Variants in SMIM24 observed in about 807,000 individuals in gnomAD.
SMIM24 encodes MAP17-related dimer.
In SMIM24, 6 loss-of-function variants were observed where a neutral mutation model predicts 10.8. That is an observed-to-expected ratio of 0.55 (90% CI 0.30 to 1.09). The LOEUF (loss-of-function observed/expected upper bound fraction) is 1.09. Ranked by LOEUF, SMIM24 falls within the 50% of genes least tolerant of loss-of-function variation. The probability of loss-of-function intolerance (pLI) is 0.06; values close to 1 mark genes in which losing one functional copy is unlikely to be tolerated. For missense variants in SMIM24, 151 were observed against 153.4 expected (o/e 0.98, Z 0.08); for synonymous variants, 71 against 62.4 (o/e 1.14, Z -0.65).
chr19:3,474,800 A>G lies in SMIM24; in HGVS notation c.*43T>C, dbSNP rs771361322. The G allele has an allele frequency of 1.3e-6, 2 of 1,539,708 alleles. No individual in the cohort carries two copies. Among genetic ancestry groups the G allele is most frequent in the African/African-American group, 2.8e-5 (2 of 72,216 alleles). ...GGGCACTGCTTTTAGGGGGCAGAAG[A>G]GGCATCTCTGGGGGACTGCCTGGAA... is the stretch of plus-strand genomic sequence containing the variant. On this transcript the variant is annotated 3_prime_UTR_variant, in exon 4 of 4. Transcript: ENST00000215531.
intron 1 of SMIM24, among the ~76,000 whole-genome samples, chr19:3,479,507 A>C (rs2082808121): frequency 7.1e-6 from 1 of 140,570 alleles, no homozygotes. Context: ...CTCAGAGGGG[A>C]GGTGCTTATA....
Position 3,475,850 on chromosome 19 carries a change from TGATA to T in SMIM24, c.240-858_240-855del, listed in dbSNP as rs924717564. On this transcript the variant is annotated intron_variant, in intron 3 of 3. Transcript: ENST00000215531. ...GATTGATGGATGGTGGATGGAAGGA[TGATA>T]GATGGATGGGTGGATGGATGAATGA... Among the ~76,000 whole-genome samples, 12 of 145,256 alleles carry T rather than the reference TGATA, an allele frequency of 8.3e-5. 1 individual carries two copies. The highest frequency in any genetic ancestry group is 4.8e-4 in the Admixed American group (7 of 14,496).
At chr19:3,477,280 A>G (rs1387839755) in intron 3 of SMIM24, among the ~76,000 whole-genome samples, 3 of 112,418 alleles carry the variant, frequency 2.7e-5, no homozygotes, top group Non-Finnish European at 3.6e-5. Context: ...GGATGGATGG[A>G]TGGATGGATG....
At chr19:3,479,392 T>G (rs1050108849) in intron 1 of SMIM24, among the ~76,000 whole-genome samples, 1 of 128,584 alleles carries the variant, frequency 7.8e-6, no homozygotes, top group Admixed American at 7.8e-5. Flanking sequence ...TGGGGAGGGC[T>G]TATAAAGAAG....
chr19:3,475,085 G>T, intron 3 of SMIM24, 89 bp from the exon 4 acceptor site: 2 of 1,386,128 alleles, frequency 1.4e-6, no homozygotes, highest in South Asian at 1.4e-5. Flanking sequence ...CATGTGATGA[G>T]TATTTTACAA....
chr19:3,475,009 A>G lies in SMIM24; in HGVS notation c.240-13T>C. ...TCTCTTGTCTTCACTGTAGGGATAC[A>G]AAGGCCCCAAACCATAATAAGAAAC... is the stretch of plus-strand genomic sequence containing the variant. On this transcript the variant is annotated splice_polypyrimidine_tract_variant and intron_variant, in intron 3 of 3. Transcript: ENST00000215531. 6.4e-7 allele frequency: 1 copy of G among 1,550,496 alleles called. No individual in the cohort carries two copies. The highest frequency in any genetic ancestry group is 8.7e-7 in the Non-Finnish European group (1 of 1,146,690).
intron 3 of SMIM24, among the ~76,000 whole-genome samples, chr19:3,477,747 G>A: frequency 7.4e-6 from 1 of 135,044 alleles, no homozygotes; most frequent in Non-Finnish European, 1.6e-5. Flanking sequence ...GTGAATGGGT[G>A]AGTGGGTGGA....
Position 3,478,834 on chromosome 19 carries a change from A to G in SMIM24, c.163T>C (p.Trp55Arg). Residue 55 changes from tryptophan (W) to arginine (R), a missense_variant, in exon 2 of 4, where the codon TGG (tryptophan) becomes CGG (arginine). Coordinates refer to ENST00000215531, the MANE Select transcript of SMIM24 (RefSeq NM_001136503.2). The stretch of plus-strand genomic sequence containing the variant: ...GGCACCCACCTGGCCTTGGAACACC[A>G]GAGGCGGTTGGCCAGCAAGACCAAA... ...VYLVLLANRL[W>R]CSKARAEDEE... The G allele has an allele frequency of 3.2e-6, 5 of 1,549,492 alleles. No homozygotes were observed. Among genetic ancestry groups the G allele is most frequent in the Non-Finnish European group, 3.5e-6 (4 of 1,146,530 alleles).
chr19:3,474,696 G>A lies in SMIM24; in HGVS notation c.*147C>T, dbSNP rs1225666383. The stretch of plus-strand genomic sequence containing the variant: ...AGAGAGCCCCCAATGAGGGAGGTGG[G>A]GTGGGTTCCAAGCCTTCTTCACTTG... On this transcript the variant is annotated 3_prime_UTR_variant, in exon 4 of 4. Coordinates refer to ENST00000215531, the MANE Select transcript of SMIM24 (RefSeq NM_001136503.2). 11 of 1,001,070 alleles carry A rather than the reference G, an allele frequency of 1.1e-5. No individual in the cohort carries two copies. Among genetic ancestry groups the A allele is most frequent in the Non-Finnish European group, 5.6e-6 (4 of 712,772 alleles). The allele number at this position is 1,001,070 out of a possible 1,614,324, so 62.0% of individuals were successfully genotyped here.
At chr19:3,475,553 T>A (rs1347310286) in intron 3 of SMIM24, among the ~76,000 whole-genome samples, 1 of 147,690 alleles carries the variant, frequency 6.8e-6, no homozygotes, top group African/African-American at 2.5e-5. Context: ...GGTGGGTGGA[T>A]AGATGGATGA....
chr19:3,477,756 GATGGGTGAGTGGGTGA>G (rs2082800100), intron 3 of SMIM24, among the ~76,000 whole-genome samples: 1 of 146,626 alleles, frequency 6.8e-6, no homozygotes, highest in Non-Finnish European at 1.5e-5. Context: ...TGAGTGGGTG[GATGGGTGAGTGGGTGA>G]ATGGGTGAGT....
In SMIM24 at chr19:3,474,998, T is replaced by C. The variant is rs2082787003; in HGVS notation, c.240-2A>G. 1 of 1,550,896 alleles carries C rather than the reference T, an allele frequency of 6.4e-7. No homozygotes were observed. The highest frequency in any genetic ancestry group is 1.4e-5 in the African/African-American group (1 of 72,956). ...TCTTTCTTCTCTCTCTTGTCTTCAC[T>C]GTAGGGATACAAAGGCCCCAAACCA... On this transcript the variant is annotated splice_acceptor_variant, in intron 3 of 3. Coordinates refer to ENST00000215531, the MANE Select transcript of SMIM24 (RefSeq NM_001136503.2). LOFTEE classifies it high-confidence loss of function.
rs1055883833 is a variant in SMIM24 at position 3,474,949 on chromosome 19, C to T, written c.287G>A (p.Arg96Lys). The T allele has an allele frequency of 4.5e-6, 7 of 1,551,486 alleles. No homozygotes were observed. In the African/African-American group the frequency reaches 5.5e-5, roughly 12 times the overall value. ...CTTTGCTGTCTTTTTCTCCTTCTTC[C>T]TCTTCTCTTCTTTCTCCTTGGCCTC... is the stretch of plus-strand genomic sequence containing the variant. ...KKEAKEKEEKRKKEKKTAKEG... is the reference protein window; with the variant it reads ...KKEAKEKEEKKKKEKKTAKEG... The change falls in exon 4 of 4, where the codon AGG becomes AAG. Residue 96 changes from arginine (R) to lysine (K), a missense_variant. Transcript: ENST00000215531.
intron 1 of SMIM24, among the ~76,000 whole-genome samples, chr19:3,479,451 A>G (rs2082807791): frequency 6.8e-6 from 1 of 146,214 alleles, no homozygotes; most frequent in Non-Finnish European, 1.5e-5. Context: ...GGGGGAGCTT[A>G]TAAAAGGAGG....
Position 3,478,802 on chromosome 19 carries a change from G to C in SMIM24, c.179+16C>G. ...GGCAGGGCTGTGGGGGCAGCGGGGTGGGGGCGGGCACCCACCTGGCCTTGG... is the reference window on the plus strand; with the variant it reads ...GGCAGGGCTGTGGGGGCAGCGGGGTCGGGGCGGGCACCCACCTGGCCTTGG... On this transcript the variant is annotated intron_variant, in intron 2 of 3. Transcript: ENST00000215531. The C allele has an allele frequency of 6.5e-7, 1 of 1,535,804 alleles. No homozygotes were observed. Among genetic ancestry groups the C allele is most frequent in the Non-Finnish European group, 8.8e-7 (1 of 1,136,260 alleles).
At chr19:3,476,671 G>A (rs1599749978) in intron 3 of SMIM24, among the ~76,000 whole-genome samples, 1 of 152,200 alleles carries the variant, frequency 6.6e-6, no homozygotes, top group South Asian at 2.1e-4. Context: ...AGCCAGGCTG[G>A]TCACCTCCCA....
At chr19:3,477,572 T>C (rs1299317541) in intron 3 of SMIM24, among the ~76,000 whole-genome samples, 29 of 109,268 alleles carry the variant, frequency 2.7e-4, no homozygotes, top group Admixed American at 8.2e-4. Flanking sequence ...GGTGAGTGGG[T>C]GAATGGGTGA....
intron 3 of SMIM24, among the ~76,000 whole-genome samples, chr19:3,477,220 G>T (rs1355485744): frequency 6.8e-6 from 1 of 147,422 alleles, no homozygotes; most frequent in Admixed American, 6.8e-5. Context: ...GAATGGATGG[G>T]TGAGTGGGTG....
At chr19:3,475,703 G>A (rs547223415) in intron 3 of SMIM24, among the ~76,000 whole-genome samples, 1 of 151,796 alleles carries the variant, frequency 6.6e-6, no homozygotes, top group East Asian at 1.9e-4. Flanking sequence ...TAAGTGAATG[G>A]GTGGATGAAT....
Sources: gnomAD v4.1 joint callset for allele counts (sites outside exome capture counted in the v4.1 genomes callset) on GRCh38, gnomAD v4.1.1 for gene constraint, MANE v1.5 for transcripts, NCBI Gene and HGNC (gene_info 2026-07-23, HGNC 2026-07-21) for gene names.